The following BTNL8 variants were observed in gnomAD, a reference collection of about 807,000 sequenced individuals.
BTNL8 encodes butyrophilin like 8, also known as butyrophilin-like protein 8.
Under a neutral mutation model 36.1 loss-of-function variants are expected in BTNL8, and 22 were observed. That is an observed-to-expected ratio of 0.61 (90% CI 0.44 to 0.87). The LOEUF (loss-of-function observed/expected upper bound fraction) is 0.87. Ranked by LOEUF, BTNL8 falls within the 40% of genes least tolerant of loss-of-function variation. The pLI, the probability that BTNL8 is intolerant of heterozygous loss-of-function variation, is 0.00. For synonymous variants in BTNL8, 203 were observed against 235.6 expected, an observed-to-expected ratio of 0.86 and a Z score of 1.27; for missense variants, 526 against 616.9, an observed-to-expected ratio of 0.85 and a Z score of 1.56.
intron 3 of BTNL8, among the ~76,000 whole-genome samples, chr5:180,929,496 A>G (rs1283003346): frequency 6.6e-6 from 1 of 152,196 alleles, no homozygotes; most frequent in Non-Finnish European, 1.5e-5. Context: ...AGACACAAAA[A>G]ACCCTTCAAA....
chr5:180,933,926 A>G (rs1758519873), intron 3 of BTNL8, among the ~76,000 whole-genome samples: 1 of 152,072 alleles, frequency 6.6e-6, no homozygotes, highest in Admixed American at 6.5e-5. Context: ...ATACTTCCAA[A>G]CTTATTTTAC....
chr5:180,905,135 G>T (rs10479478), intron 1 of BTNL8, among the ~76,000 whole-genome samples: 5 of 148,206 alleles, frequency 3.4e-5, no homozygotes, highest in Non-Finnish European at 5.9e-5. Context: ...GGTAGAATTC[G>T]GCTGTGAATC....
rs925968255 is a variant in BTNL8 at position 180,935,501 on chromosome 5, G to C, written c.674-12011G>C. 6.6e-6 allele frequency among the ~76,000 whole-genome samples: 1 copy of C among 152,238 alleles called. No individual in the cohort carries two copies. The highest frequency in any genetic ancestry group is 2.4e-5 in the African/African-American group (1 of 41,462). ...ACCTGGCTGGGCACAACAGTGCCCG[G>C]ACTCGGCTACAACTTTGCTTTGCAC... On this transcript the variant is annotated intron_variant, in intron 3 of 7. Transcript: ENST00000340184. The surrounding 1 kb of genome is among the most constrained non-coding windows in gnomAD (Gnocchi z 4.8).
chr5:180,923,190 T>TA (rs1445907881), intron 3 of BTNL8, among the ~76,000 whole-genome samples: 1 of 152,120 alleles, frequency 6.6e-6, no homozygotes, highest in Non-Finnish European at 1.5e-5. Context: ...TAAGGCAGTT[T>TA]AAAAAATATT....
Position 180,908,924 on chromosome 5 carries a change from C to A in BTNL8, c.388C>A (p.Gln130Lys). 1 of 1,611,830 alleles carries A rather than the reference C, an allele frequency of 6.2e-7. No homozygotes were observed. Among genetic ancestry groups the A allele is most frequent in the Non-Finnish European group, 8.5e-7 (1 of 1,178,292 alleles). The change falls in exon 2 of 8, where the codon CAG becomes AAG. Residue 130 changes from glutamine to lysine, a missense_variant. By Grantham distance (53) the Gln-to-Lys change is moderately conservative. Coordinates refer to ENST00000340184, the MANE Select transcript of BTNL8 (RefSeq NM_001040462.3). ...CTACCAGAAGGCCATCTGGGAGCTA[C>A]AGGTGTCAGGTCAGTTTCATATTTC... ...SYYQKAIWEL[Q>K]VSALGSVPLI...
rs895382525 is a variant in BTNL8, at chr5:180,908,172, T to G, written c.50-414T>G. Among the ~76,000 whole-genome samples the G allele has an allele frequency of 5.9e-5, 9 of 152,022 alleles. No homozygotes were observed. In the South Asian group the frequency reaches 6.3e-4, roughly 11 times the overall value. On this transcript the variant is annotated intron_variant, in intron 1 of 7. Coordinates refer to ENST00000340184, the MANE Select transcript of BTNL8 (RefSeq NM_001040462.3). ...GCTAGCAATCAGCGAGACTCTGTGG[T>G]CATAGGACCCTCTGAGCCAGGTGTG...
At chr5:180,911,213 T>G in intron 2 of BTNL8, 126 bp from the exon 3 acceptor site, 8 of 1,408,094 alleles carry the variant, frequency 5.7e-6, no homozygotes, top group Non-Finnish European at 7.7e-6. Context: ...CCAAAGGTCG[T>G]GGTTTTAGTG....
At chr5:180,932,965 A>T (rs1363005002) in intron 3 of BTNL8, among the ~76,000 whole-genome samples, 1 of 151,122 alleles carries the variant, frequency 6.6e-6, no homozygotes, top group Non-Finnish European at 1.5e-5. Context: ...AAAGTCTGAA[A>T]GTGAGGGGAT....
In BTNL8 at chr5:180,899,246, A is replaced by G. The variant is rs1282584450; in HGVS notation, c.-65A>G. The G allele has an allele frequency of 1.9e-5, 30 of 1,578,952 alleles. No individual in the cohort carries two copies. The highest frequency in any genetic ancestry group is 2.6e-5 in the Non-Finnish European group (30 of 1,148,530). On this transcript the variant is annotated 5_prime_UTR_variant, in exon 1 of 8. Transcript: ENST00000340184. Reference sequence around the variant, plus strand: ...TTAGGCCAGTTCTCCTCTTCTCTCTAATCCATCCGTCACCTCTCCTGTCAT... The same window carrying G: ...TTAGGCCAGTTCTCCTCTTCTCTCTGATCCATCCGTCACCTCTCCTGTCAT...
chr5:180,929,947 CT>C (rs143938037), intron 3 of BTNL8, among the ~76,000 whole-genome samples: 68,210 of 151,934 alleles, frequency 0.45, 16,394 homozygotes, highest in African/African-American at 0.63. Flanking sequence ...AGAGAAACTC[CT>C]TCCCTAACTC....
chr5:180,947,185 TAGACA>T (rs1759299371), intron 3 of BTNL8, among the ~76,000 whole-genome samples: 1 of 152,154 alleles, frequency 6.6e-6, no homozygotes, highest in African/African-American at 2.4e-5. Flanking sequence ...AGTGGACAAG[TAGACA>T]AATGACACAG....
intron 2 of BTNL8, 83 bp downstream of exon 2, chr5:180,909,016 A>G: frequency 7.2e-7 from 1 of 1,391,148 alleles, no homozygotes. Context: ...GGAAATTTTA[A>G]AATTTTAGGT....
intron 3 of BTNL8, among the ~76,000 whole-genome samples, chr5:180,922,924 C>G (rs1343175695): frequency 6.6e-6 from 1 of 151,848 alleles, no homozygotes; most frequent in Non-Finnish European, 1.5e-5. Context: ...TGAACTGAAC[C>G]CTTTACCATC....
intron 1 of BTNL8, among the ~76,000 whole-genome samples, chr5:180,901,931 G>A (rs1756838575): frequency 3.3e-5 from 5 of 152,294 alleles, no homozygotes; most frequent in Admixed American, 3.3e-4. Context: ...CAGTGTCACA[G>A]CATGTCTTTC....
At chr5:180,921,269 T>C (rs527930753) in intron 3 of BTNL8, among the ~76,000 whole-genome samples, 4 of 152,148 alleles carry the variant, frequency 2.6e-5, no homozygotes, top group East Asian at 1.9e-4. Flanking sequence ...AGCCAAGATA[T>C]GAAAACAATC....
intron 1 of BTNL8, among the ~76,000 whole-genome samples, chr5:180,899,617 C>G (rs17080709): frequency 0.39 from 58,970 of 152,030 alleles, 13,075 homozygotes; most frequent in African/African-American, 0.61. Flanking sequence ...TTCAGTGTTT[C>G]TCCCAGATGG....
intron 2 of BTNL8, 150 bp from the exon 3 acceptor site, chr5:180,911,189 T>C: frequency 8.1e-7 from 1 of 1,232,038 alleles, no homozygotes; most frequent in African/African-American, 1.5e-5. Flanking sequence ...ACAGAGGCCA[T>C]GGGAAGGCTT....
chr5:180,908,789 A>G lies in BTNL8; in HGVS notation c.253A>G (p.Thr85Ala), dbSNP rs751332966. 6.2e-7 allele frequency: 1 copy of G among 1,614,184 alleles called. No homozygotes were observed. The highest frequency in any genetic ancestry group is 1.1e-5 in the South Asian group (1 of 91,084). Residue 85 changes from threonine to alanine, a missense_variant, in exon 2 of 8, where the codon ACA becomes GCA. Physicochemically the swap from Thr to Ala is moderately conservative, Grantham distance 58. Coordinates refer to ENST00000340184, the MANE Select transcript of BTNL8 (RefSeq NM_001040462.3). The part of the protein sequence containing the change: ...FMQMPQYQGR[T>A]KLVKDSIAEG... ...GCAGATGCCACAGTATCAAGGCAGG[A>G]CAAAACTGGTGAAGGATTCTATTGC...
intron 3 of BTNL8, among the ~76,000 whole-genome samples, chr5:180,941,125 G>A (rs1302313161): frequency 6.7e-6 from 1 of 150,258 alleles, no homozygotes; most frequent in Non-Finnish European, 1.5e-5. Flanking sequence ...AGGAAGGAAG[G>A]AAGGAAGGAA....
Sources: allele counts gnomAD v4.1 joint callset (sites outside exome capture counted in the v4.1 genomes callset), GRCh38; gene constraint gnomAD v4.1.1; non-coding constraint Gnocchi (gnomAD v3.1); transcripts MANE v1.5; gene names NCBI Gene and HGNC (gene_info 2026-07-23, HGNC 2026-07-21).